UBR4: variants seen among roughly 807,000 people sequenced by gnomAD.
The protein encoded by UBR4 is ubiquitin protein ligase E3 component n-recognin 4, also known as E3 ubiquitin-protein ligase UBR4.
In UBR4, 124 loss-of-function variants were observed where a neutral mutation model predicts 575.6. That is an observed-to-expected ratio of 0.22 (90% CI 0.19 to 0.25). The LOEUF is 0.25. Ranked by LOEUF, UBR4 falls within the 10% of genes least tolerant of loss-of-function variation. The pLI is 1.00. For synonymous variants in UBR4, 2,455 were observed against 2,473.7 expected, an observed-to-expected ratio of 0.99 and a Z score of 0.22; for missense variants, 4,818 against 6,478.8, an observed-to-expected ratio of 0.74 and a Z score of 8.80.
chr1:19,074,707 T>C lies in UBR4; in HGVS notation c.*125A>G, dbSNP rs938345773. 3 of 990,548 alleles carry C rather than the reference T, an allele frequency of 3.0e-6. No individual in the cohort carries two copies. Among genetic ancestry groups the C allele is most frequent in the Middle Eastern group, 3.0e-4 (1 of 3,364 alleles). The allele number at this position is 990,548 out of a possible 1,614,324, so 61.4% of individuals were successfully genotyped here. A position where few individuals can be genotyped will look rare whatever the true frequency, so the allele number is the denominator to read the frequency against. On this transcript the variant is annotated 3_prime_UTR_variant, in exon 106 of 106. Coordinates refer to ENST00000375254, the MANE Select transcript of UBR4 (RefSeq NM_020765.3). ...AAACCCCAAGCCACACCAAGAAAAA[T>C]GAGAGAGGGGAGGGCGGGGTAACAA... is the stretch of plus-strand genomic sequence containing the variant.
chr1:19,188,865 A>G, intron 11 of UBR4, among the ~76,000 whole-genome samples: 1 of 152,186 alleles, frequency 6.6e-6, no homozygotes, highest in Non-Finnish European at 1.5e-5. Context: ...GCTACTCAGG[A>G]GGCTGAGGTG....
chr1:19,154,090 C>A, intron 44 of UBR4, 151 bp from the exon 45 acceptor site: 2 of 869,118 alleles, frequency 2.3e-6, no homozygotes, highest in Non-Finnish European at 3.5e-6. Flanking sequence ...AGTTTTATTC[C>A]AAGCCATGCA....
chr1:19,207,728 C>A (rs2093080076), intron 1 of UBR4, among the ~76,000 whole-genome samples: 1 of 151,756 alleles, frequency 6.6e-6, no homozygotes, highest in Non-Finnish European at 1.5e-5. Flanking sequence ...CTATGGCCTG[C>A]AGGCCAAATC....
rs376780788 is a variant in UBR4, at chr1:19,153,936, G to A, written c.6462C>T (p.Ser2154=). Residue 2154 remains serine (S), a synonymous_variant, in exon 45 of 106, where the codon TCC becomes TCT. Coordinates refer to ENST00000375254, the MANE Select transcript of UBR4 (RefSeq NM_020765.3). This position sits in a 1 kb window ranked among gnomAD's most constrained non-coding sequence, Gnocchi z 4.1. ...LQLFPINIKS[S]NGGSKTSPAL... The stretch of plus-strand genomic sequence containing the variant: ...CAGGAGAAGTCTTACTGCCACCATT[G>A]GAACTGCAGACAACAAAACTGGCCA... The A allele has an allele frequency of 4.3e-6, 7 of 1,612,900 alleles. No individual in the cohort carries two copies. The highest frequency in any genetic ancestry group is 1.1e-5 in the South Asian group (1 of 90,800).
In UBR4 at chr1:19,081,423, G is replaced by A. The variant is rs2076494372; in HGVS notation, c.15159C>T (p.Ala5053=). The change falls in exon 103 of 106, where the codon GCC becomes GCT. Residue 5053 remains alanine, a synonymous_variant. Transcript: ENST00000375254. ...LHILPPEQWR[A]TRVEILRRLL... is the part of the protein sequence containing the mutation. The stretch of plus-strand genomic sequence containing the variant: ...GCCTCCGCAAGATTTCCACACGTGT[G>A]GCTCTCCACTGCTCAGGGGGCAGGA... The A allele has an allele frequency of 1.9e-6, 3 of 1,613,920 alleles. No homozygotes were observed. The highest frequency in any genetic ancestry group is 1.7e-5 in the Admixed American group (1 of 59,980).
Position 19,101,659 on chromosome 1 carries a change from G to A in UBR4, c.12902-18C>T, listed in dbSNP as rs779789493. 4.8e-5 allele frequency: 77 copies of A among 1,592,376 alleles called. No individual in the cohort carries two copies. Among genetic ancestry groups the A allele is most frequent in the Non-Finnish European group, 6.1e-5 (71 of 1,161,994 alleles). ...TTCTGTACCTGCCAGAAATCAAAGC[G>A]GCCAAGTTAGGAAAGAGCCTCTCCC... is the stretch of plus-strand genomic sequence containing the variant. On this transcript the variant is annotated intron_variant, in intron 87 of 105. Coordinates refer to ENST00000375254, the MANE Select transcript of UBR4 (RefSeq NM_020765.3).
intron 49 of UBR4, chr1:19,149,655 A>G: frequency 1.0e-6 from 1 of 1,004,238 alleles, no homozygotes; most frequent in Non-Finnish European, 1.4e-6. Context: ...AGAAAGAAGC[A>G]GGAAGACTCT....
At chr1:19,112,425 T>G (rs898361552) in intron 78 of UBR4, 99 bp downstream of exon 78, 2 of 1,341,592 alleles carry the variant, frequency 1.5e-6, no homozygotes, top group Non-Finnish European at 2.0e-6. Context: ...ACTTGCTGGG[T>G]GGTCAGAAGC....
chr1:19,178,591 G>A lies in UBR4; in HGVS notation c.2354+460C>T, dbSNP rs1571511277. 4.6e-5 allele frequency among the ~76,000 whole-genome samples: 7 copies of A among 152,282 alleles called. No homozygotes were observed. The South Asian group carries it at 1.5e-3, about 32-fold the overall frequency. ...AACTGCTTTGAAGACTTCTAACCAT[G>A]TAAACAAAAATGGCAAATACAGGTC... On this transcript the variant is annotated intron_variant, in intron 18 of 105. Coordinates refer to ENST00000375254, the MANE Select transcript of UBR4 (RefSeq NM_020765.3).
At chr1:19,183,034 T>C (rs188150560) in intron 17 of UBR4, among the ~76,000 whole-genome samples, 10 of 152,336 alleles carry the variant, frequency 6.6e-5, no homozygotes, top group Admixed American at 6.5e-4. Context: ...GTCAACGTCC[T>C]AGATTTTGTT....
In UBR4 at chr1:19,148,047, G is replaced by C. The variant is rs750123448; in HGVS notation, c.7575C>G (p.Ser2525=). 22 of 1,612,450 alleles carry C rather than the reference G, an allele frequency of 1.4e-5. No individual in the cohort carries two copies. The highest frequency in any genetic ancestry group is 1.9e-5 in the Non-Finnish European group (22 of 1,179,984). The change falls in exon 51 of 106, where the codon TCC becomes TCG. Residue 2525 remains serine (S), a synonymous_variant. Coordinates refer to ENST00000375254, the MANE Select transcript of UBR4 (RefSeq NM_020765.3). The part of the protein sequence containing the change: ...LPAPASVQQQ[S]KSLLASLHTS... ...TGTGCAGGCTGGCCAGAAGGCTCTT[G>C]GACTGCTGCTGGACACTGGCAGGTG...
At chr1:19,170,703 A>G in intron 26 of UBR4, 59 bp downstream of exon 26, 2 of 1,608,428 alleles carry the variant, frequency 1.2e-6, no homozygotes, top group Non-Finnish European at 1.7e-6. Context: ...GAGAAGCCAT[A>G]GTACTAGCAG....
chr1:19,210,159 C>T lies in UBR4; in HGVS notation c.90G>A (p.Glu30=). The change falls in exon 1 of 106, where the codon GAG becomes GAA. Residue 30 remains glutamate (E), a synonymous_variant. Coordinates refer to ENST00000375254, the MANE Select transcript of UBR4 (RefSeq NM_020765.3). The part of the protein sequence containing the change: ...ATGADTTPGW[E]VAVRPLLSAS... ...CGGACAGCAGGGGCCGCACAGCCAC[C>T]TCCCAGCCCGGGGTCGTGTCCGCCC... is the stretch of plus-strand genomic sequence containing the variant. 6.4e-7 allele frequency: 1 copy of T among 1,566,398 alleles called. No homozygotes were observed. Among genetic ancestry groups the T allele is most frequent in the Non-Finnish European group, 8.6e-7 (1 of 1,159,990 alleles).
rs2092554251 is a variant in UBR4 at position 19,197,883 on chromosome 1, A to T, written c.751+64T>A. ...GCTTGATTCTTATCCATATGACAGA[A>T]GCACACTTAAGGAATTTTTGACAGC... On this transcript the variant is annotated intron_variant, in intron 6 of 105. Coordinates refer to ENST00000375254, the MANE Select transcript of UBR4 (RefSeq NM_020765.3). 40 of 1,612,154 alleles carry T rather than the reference A, an allele frequency of 2.5e-5. 1 individual carries two copies. In the South Asian group the frequency reaches 4.4e-4, roughly 18 times the overall value.
Position 19,128,975 on chromosome 1 carries a change from T to TA in UBR4, c.9003+2dup. 6.2e-7 allele frequency: 1 copy of TA among 1,613,670 alleles called. No individual in the cohort carries two copies. The highest frequency in any genetic ancestry group is 8.5e-7 in the Non-Finnish European group (1 of 1,179,592). The stretch of plus-strand genomic sequence containing the variant: ...ACAGAGATCCAGGTGAGCTAAGAGA[T>TA]ACCTGCATGTATGGGATGGCCCGGA... On this transcript the variant is annotated splice_region_variant and intron_variant, in intron 61 of 105. Coordinates refer to ENST00000375254, the MANE Select transcript of UBR4 (RefSeq NM_020765.3).
rs897497889 is a variant in UBR4 at position 19,093,137 on chromosome 1, A to G, written c.14111+176T>C. Among the ~76,000 whole-genome samples the G allele has an allele frequency of 3.9e-5, 6 of 152,264 alleles. No individual in the cohort carries two copies. Among genetic ancestry groups the G allele is most frequent in the African/African-American group, 1.4e-4 (6 of 41,464 alleles). On this transcript the variant is annotated intron_variant, in intron 96 of 105. Coordinates refer to ENST00000375254, the MANE Select transcript of UBR4 (RefSeq NM_020765.3). The surrounding 1 kb of genome is among the most constrained non-coding windows in gnomAD (Gnocchi z 4.8). The stretch of plus-strand genomic sequence containing the variant: ...AAAAAGTTGCCATCCTTTTCCGGCA[A>G]GCCCCGAGGACTCTGCAGTGGTTGA...
At chr1:19,170,936 T>G in intron 25 of UBR4, 53 bp from the exon 26 acceptor site, 1 of 1,612,920 alleles carries the variant, frequency 6.2e-7, no homozygotes, top group Non-Finnish European at 8.5e-7. Context: ...TCCCACCAGT[T>G]AGGAAAAACT....
intron 67 of UBR4, 78 bp downstream of exon 67, chr1:19,121,856 C>A: frequency 6.8e-7 from 1 of 1,480,202 alleles, no homozygotes; most frequent in South Asian, 1.2e-5. Flanking sequence ...GCATCCAGTT[C>A]AGTGCTTGGC....
chr1:19,147,337 T>C (rs1197955166), intron 51 of UBR4, among the ~76,000 whole-genome samples: 1 of 152,234 alleles, frequency 6.6e-6, no homozygotes, highest in Admixed American at 6.5e-5. Context: ...AAGGACAGTG[T>C]TTCCAAAATT....
Sources: gnomAD v4.1 joint callset for allele counts (sites outside exome capture counted in the v4.1 genomes callset) on GRCh38, gnomAD v4.1.1 for gene constraint, Gnocchi (gnomAD v3.1) non-coding constraint, MANE v1.5 for transcripts, NCBI Gene and HGNC (gene_info 2026-07-23, HGNC 2026-07-21) for gene names.